ASTN2: variants seen among roughly 807,000 people sequenced by gnomAD.
The protein encoded by ASTN2 is astrotactin 2.
A neutral mutation model predicts 139.8 loss-of-function variants in ASTN2; 54 were observed. The observed-to-expected ratio is 0.39, with a 90% CI of 0.31 to 0.48. The LOEUF is 0.48. Ranked by LOEUF, ASTN2 falls within the 20% of genes least tolerant of loss-of-function variation. ASTN2 has a pLI of 0.95. For synonymous variants in ASTN2, 756 were observed against 719.5 expected (o/e 1.05, Z -0.81); for missense variants, 1,565 against 1,725.1 (o/e 0.91, Z 1.64).
intron 19 of ASTN2, chr9:116,584,369 G>A (rs941645993): frequency 2.6e-5 from 4 of 152,054 alleles, no homozygotes; most frequent in Non-Finnish European, 4.4e-5. Context: ...CTGGACAAAT[G>A]GCCTGCTATC....
intron 19 of ASTN2, among the ~76,000 whole-genome samples, chr9:116,513,917 GT>G (rs1214305807): frequency 2.6e-5 from 4 of 151,782 alleles, no homozygotes; most frequent in African/African-American, 9.7e-5. Flanking sequence ...TTTTTTCAAG[GT>G]TTTTATCTTC....
At chr9:117,086,572 C>A (rs1431750231) in intron 5 of ASTN2, among the ~76,000 whole-genome samples, 1 of 152,140 alleles carries the variant, frequency 6.6e-6, no homozygotes, top group Admixed American at 6.6e-5. Context: ...AAAACTCCAT[C>A]TCAAAAACAA....
At chr9:117,145,665 T>A (rs200116423) in intron 3 of ASTN2, among the ~76,000 whole-genome samples, 2 of 148,782 alleles carry the variant, frequency 1.3e-5, no homozygotes, top group Non-Finnish European at 3.0e-5. Flanking sequence ...CCTGACATTC[T>A]TGTCCTGGTA....
At chr9:116,768,613 G>C (rs1829875879) in intron 13 of ASTN2, among the ~76,000 whole-genome samples, 1 of 152,188 alleles carries the variant, frequency 6.6e-6, no homozygotes, top group Admixed American at 6.5e-5. Context: ...CATGGTATTA[G>C]AAGGTGAGGC....
chr9:116,859,823 A>G (rs758234084), intron 11 of ASTN2, among the ~76,000 whole-genome samples: 2 of 152,348 alleles, frequency 1.3e-5, no homozygotes, highest in African/African-American at 4.8e-5. Context: ...GATCCTCCCC[A>G]CTGTGAAAAC....
At chr9:117,217,500 T>C (rs1250679390) in intron 2 of ASTN2, among the ~76,000 whole-genome samples, 1 of 152,226 alleles carries the variant, frequency 6.6e-6, no homozygotes, top group African/African-American at 2.4e-5. Flanking sequence ...CTTGTATCCT[T>C]TGCCTTGAGA....
chr9:117,323,656 A>G (rs1230655398), intron 1 of ASTN2, among the ~76,000 whole-genome samples: 1 of 152,224 alleles, frequency 6.6e-6, no homozygotes, highest in Non-Finnish European at 1.5e-5. Context: ...AGAAACCTTC[A>G]GTATTATAAC....
intron 15 of ASTN2, among the ~76,000 whole-genome samples, chr9:116,727,708 A>G (rs1828668952): frequency 6.6e-6 from 1 of 152,162 alleles, no homozygotes; most frequent in Non-Finnish European, 1.5e-5. Flanking sequence ...CAGGCAGACA[A>G]AACTGCAATC....
In ASTN2 at chr9:116,620,325, G is replaced by A; in HGVS notation, c.3191C>T (p.Pro1064Leu). The A allele has an allele frequency of 6.2e-7, 1 of 1,614,112 alleles. No individual in the cohort carries two copies. Among genetic ancestry groups the A allele is most frequent in the Non-Finnish European group, 8.5e-7 (1 of 1,180,024 alleles). The change falls in exon 18 of 23, where the codon CCC becomes CTC. Residue 1064 changes from proline to leucine, a missense_variant. Physicochemically the swap from Pro to Leu is moderately conservative, Grantham distance 98. Coordinates refer to ENST00000313400, the MANE Select transcript of ASTN2 (RefSeq NM_001365068.1). ...FDANGLPNCS[P>L]LLQPVLRLSP... ...ACATACGTACACCGGCTGCAGAAGG[G>A]GGCTGCAGTTGGGGAGCCCATTGGC...
At chr9:117,236,755 C>T (rs1464545201) in intron 2 of ASTN2, among the ~76,000 whole-genome samples, 3 of 152,190 alleles carry the variant, frequency 2.0e-5, no homozygotes, top group African/African-American at 7.2e-5. Flanking sequence ...GGTATCCTCT[C>T]TCTGCTTTAG....
chr9:116,823,663 C>T (rs1326809), intron 11 of ASTN2, among the ~76,000 whole-genome samples: 108,349 of 152,062 alleles, frequency 0.71, 38,730 homozygotes, highest in Admixed American at 0.79. Context: ...ATTTTGCAAA[C>T]TTACATATCC....
chr9:117,159,827 G>C (rs1038818920), intron 3 of ASTN2, among the ~76,000 whole-genome samples: 5 of 152,066 alleles, frequency 3.3e-5, no homozygotes, highest in Admixed American at 2.0e-4. Flanking sequence ...CAATTAGCTA[G>C]TTATTGCTAT....
chr9:116,980,418 C>T lies in ASTN2; in HGVS notation c.1592-3633G>A, dbSNP rs114221423. On this transcript the variant is annotated intron_variant, in intron 7 of 22. Coordinates refer to ENST00000313400, the MANE Select transcript of ASTN2 (RefSeq NM_001365068.1). ...AAAAAAAAAAGAAAAGTGTTTCCTT[C>T]CCTTTAATTCCAAGCTGGCCACTGG... Among the ~76,000 whole-genome samples the T allele has an allele frequency of 3.9e-3, 586 of 152,180 alleles. 3 individuals are homozygous for T. Among genetic ancestry groups the T allele is most frequent in the African/African-American group, 0.014 (573 of 41,512 alleles).
intron 7 of ASTN2, among the ~76,000 whole-genome samples, chr9:117,004,582 G>A (rs1372077022): frequency 6.6e-6 from 1 of 152,140 alleles, no homozygotes; most frequent in East Asian, 1.9e-4. Context: ...GTGTCCCATT[G>A]AGAGGTGAAG....
At chr9:117,294,396 G>T (rs979882443) in intron 1 of ASTN2, among the ~76,000 whole-genome samples, 2 of 152,244 alleles carry the variant, frequency 1.3e-5, no homozygotes, top group African/African-American at 2.4e-5. Context: ...ACAAAGAAAA[G>T]AAACTGTTGT....
chr9:116,975,230 T>A lies in ASTN2; in HGVS notation c.1867A>T (p.Thr623Ser), dbSNP rs1320548434. 1 of 1,612,880 alleles carries A rather than the reference T, an allele frequency of 6.2e-7. No homozygotes were observed. Among genetic ancestry groups the A allele is most frequent in the Non-Finnish European group, 8.5e-7 (1 of 1,179,396 alleles). Reference sequence around the variant, plus strand: ...TACCTGACATCTGCAGGGTCTTCCGTGACGAGCACATCGGTCTTGCAGCTG... The same window carrying A: ...TACCTGACATCTGCAGGGTCTTCCGAGACGAGCACATCGGTCTTGCAGCTG... The part of the protein sequence containing the change: ...LASCKTDVLV[T>S]EDPADVREEA... The change falls in exon 10 of 23, where the codon ACG becomes TCG. Residue 623 changes from threonine to serine, a missense_variant. By Grantham distance (58) the Thr-to-Ser change is moderately conservative (BLOSUM62 1). Coordinates refer to ENST00000313400, the MANE Select transcript of ASTN2 (RefSeq NM_001365068.1).
At chr9:116,625,708 T>C (rs1197691431) in intron 17 of ASTN2, among the ~76,000 whole-genome samples, 1 of 152,174 alleles carries the variant, frequency 6.6e-6, no homozygotes, top group East Asian at 1.9e-4. Flanking sequence ...CTCTGTGATC[T>C]AGCACATGCC....
At chr9:117,229,758 A>G (rs1832830476) in intron 2 of ASTN2, among the ~76,000 whole-genome samples, 1 of 152,222 alleles carries the variant, frequency 6.6e-6, no homozygotes, top group Non-Finnish European at 1.5e-5. Flanking sequence ...GCCCATTCAG[A>G]GTCCTGTGTG....
chr9:117,344,407 C>A (rs981374777), intron 1 of ASTN2, among the ~76,000 whole-genome samples: 3 of 152,096 alleles, frequency 2.0e-5, no homozygotes, highest in Non-Finnish European at 4.4e-5. Context: ...GACCCTGCCC[C>A]TCCCCTGCTT....
Sources: gnomAD v4.1 joint callset for allele counts (sites outside exome capture counted in the v4.1 genomes callset) on GRCh38, gnomAD v4.1.1 for gene constraint, MANE v1.5 for transcripts, NCBI Gene and HGNC (gene_info 2026-07-23, HGNC 2026-07-21) for gene names.